Variants in NCKAP5 observed in about 807,000 individuals in gnomAD.
NCKAP5 encodes the protein NCK associated protein 5.
A neutral mutation model predicts 167.0 loss-of-function variants in NCKAP5; 92 were observed. The observed-to-expected ratio is 0.55, with a 90% CI of 0.47 to 0.66. The LOEUF (loss-of-function observed/expected upper bound fraction) is 0.66, where lower values mean the gene tolerates loss of function less well. NCKAP5 is among the 30% of genes least tolerant of loss of function. The probability of loss-of-function intolerance (pLI) is 0.00; values close to 1 mark genes in which losing one functional copy is unlikely to be tolerated. For synonymous variants in NCKAP5, 891 were observed against 877.4 expected, an observed-to-expected ratio of 1.02 and a Z score of -0.27; for missense variants, 2,378 against 2,315.0, an observed-to-expected ratio of 1.03 and a Z score of -0.56.
At chr2:133,444,432 A>T (rs566765083) in intron 3 of NCKAP5, among the ~76,000 whole-genome samples, 6 of 152,344 alleles carry the variant, frequency 3.9e-5, no homozygotes, top group African/African-American at 1.4e-4. Context: ...GTAGATATTT[A>T]AAAAGATGTA....
intron 7 of NCKAP5, among the ~76,000 whole-genome samples, chr2:132,973,010 C>T (rs990414475): frequency 2.0e-5 from 3 of 152,114 alleles, no homozygotes; most frequent in African/African-American, 7.2e-5. Context: ...CAATTTCTCT[C>T]CTAAGAAAAA....
intron 4 of NCKAP5, among the ~76,000 whole-genome samples, chr2:133,277,746 A>G (rs2089788204): frequency 1.3e-5 from 2 of 152,222 alleles, no homozygotes; most frequent in African/African-American, 2.4e-5. Flanking sequence ...TAAATTTACT[A>G]TAAAGTTTCT....
At chr2:132,716,980 T>G (rs543184604) in intron 19 of NCKAP5, among the ~76,000 whole-genome samples, 1 of 152,290 alleles carries the variant, frequency 6.6e-6, no homozygotes, top group African/African-American at 2.4e-5. Flanking sequence ...ATGACACTTC[T>G]CCTCACTAAA....
intron 3 of NCKAP5, among the ~76,000 whole-genome samples, chr2:133,470,709 C>T (rs912272030): frequency 2.0e-5 from 3 of 152,242 alleles, no homozygotes; most frequent in South Asian, 2.1e-4. Flanking sequence ...GATATAATCT[C>T]GTGGTGCGCC....
chr2:133,615,254 T>C, the NCKAP5 span, among the ~76,000 whole-genome samples: 1 of 151,032 alleles, frequency 6.6e-6, no homozygotes, highest in African/African-American at 2.4e-5. Context: ...ATGAGCAAAA[T>C]AACCAGCTAA....
intron 9 of NCKAP5, among the ~76,000 whole-genome samples, chr2:132,878,606 G>A (rs1300770909): frequency 7.1e-6 from 1 of 141,236 alleles, no homozygotes; most frequent in African/African-American, 2.7e-5. Context: ...GGAGGGAGGG[G>A]GGCAGATACA....
chr2:132,763,254 C>T (rs1681167028), intron 16 of NCKAP5, among the ~76,000 whole-genome samples: 1 of 152,166 alleles, frequency 6.6e-6, no homozygotes, highest in South Asian at 2.1e-4. Flanking sequence ...CTAAGCTCGG[C>T]TTTCAAGGTC....
At chr2:133,330,248 T>A (rs1030567717) in intron 3 of NCKAP5, among the ~76,000 whole-genome samples, 13 of 136,806 alleles carry the variant, frequency 9.5e-5, no homozygotes, top group African/African-American at 3.2e-4. Context: ...TTTTGTATTT[T>A]TTTTTTTTTT....
chr2:132,966,026 C>T (rs1175275656), intron 7 of NCKAP5, among the ~76,000 whole-genome samples: 1 of 151,582 alleles, frequency 6.6e-6, no homozygotes, highest in Non-Finnish European at 1.5e-5. Context: ...AATGAAAAGC[C>T]AAAAGACTTT....
chr2:132,885,396 T>A (rs1263744121), intron 8 of NCKAP5, among the ~76,000 whole-genome samples: 3 of 152,214 alleles, frequency 2.0e-5, no homozygotes, highest in Non-Finnish European at 4.4e-5. Context: ...AAAGTCAATA[T>A]GCCCAGAGGA....
chr2:133,252,998 A>G (rs575773952), intron 4 of NCKAP5, among the ~76,000 whole-genome samples: 32 of 152,316 alleles, frequency 2.1e-4, no homozygotes, highest in Middle Eastern at 3.4e-3. Flanking sequence ...AGTCCCATTC[A>G]TTCACTTCGC....
At chr2:133,240,040 T>G (rs2087607828) in intron 4 of NCKAP5, among the ~76,000 whole-genome samples, 1 of 152,178 alleles carries the variant, frequency 6.6e-6, no homozygotes, top group Non-Finnish European at 1.5e-5. Flanking sequence ...AGTCTTACAT[T>G]AGCCAGAAAG....
chr2:133,552,486 A>G (rs1246252952), intron 2 of NCKAP5, among the ~76,000 whole-genome samples: 2 of 146,910 alleles, frequency 1.4e-5, no homozygotes, highest in Non-Finnish European at 3.0e-5. Flanking sequence ...TCAGTAAACT[A>G]TCGCAAGAAC....
intron 19 of NCKAP5, among the ~76,000 whole-genome samples, chr2:132,674,922 T>A (rs1049878191): frequency 6.6e-6 from 1 of 152,116 alleles, no homozygotes; most frequent in African/African-American, 2.4e-5. Flanking sequence ...TCCTAGCTGA[T>A]TACAGAAAAG....
chr2:132,891,330 C>T (rs1692693948), intron 8 of NCKAP5, among the ~76,000 whole-genome samples: 1 of 152,144 alleles, frequency 6.6e-6, no homozygotes. Context: ...TTCCCAGGTG[C>T]TGCTGCTGGC....
intron 2 of NCKAP5, among the ~76,000 whole-genome samples, chr2:133,544,554 C>T (rs1230414860): frequency 1.3e-5 from 2 of 152,146 alleles, no homozygotes; most frequent in Non-Finnish European, 2.9e-5. Flanking sequence ...AATGATGACT[C>T]GGGCTCCATC....
At chr2:132,896,863 A>C (rs982616127) in intron 8 of NCKAP5, among the ~76,000 whole-genome samples, 5 of 152,144 alleles carry the variant, frequency 3.3e-5, no homozygotes, top group African/African-American at 1.2e-4. Flanking sequence ...TGGCAGAGAG[A>C]ATGGCTAGGA....
intron 4 of NCKAP5, among the ~76,000 whole-genome samples, chr2:133,254,797 T>A (rs1458839614): frequency 1.3e-5 from 2 of 152,160 alleles, no homozygotes; most frequent in Non-Finnish European, 2.9e-5. Context: ...TCTTGTTATG[T>A]TTTTCATAAA....
chr2:132,854,020 C>G (rs760345230), intron 11 of NCKAP5, among the ~76,000 whole-genome samples: 46 of 152,276 alleles, frequency 3.0e-4, no homozygotes, highest in Non-Finnish European at 8.8e-5. Context: ...TTCCATTTGC[C>G]TGGTTTCACG....
Sources: allele counts gnomAD v4.1 joint callset (sites outside exome capture counted in the v4.1 genomes callset), GRCh38; gene constraint gnomAD v4.1.1; transcripts MANE v1.5; gene names NCBI Gene and HGNC (gene_info 2026-07-23, HGNC 2026-07-21).